The following ATAD5 variants were observed in gnomAD, a reference collection of about 807,000 sequenced individuals.
ATAD5 encodes the protein ATPase family AAA domain-containing protein 5.
In ATAD5, 58 loss-of-function variants were observed where a neutral mutation model predicts 176.9. The ratio of observed to expected loss-of-function variants is 0.33; its 90% CI spans 0.27 to 0.41. The LOEUF is 0.41. Among genes scored for constraint, ATAD5 ranks in the 10% least tolerant of loss-of-function variants. ATAD5 has a pLI of 1.00. For synonymous variants in ATAD5, 640 were observed against 712.6 expected, an observed-to-expected ratio of 0.90 and a Z score of 1.62; for missense variants, 1,789 against 2,094.1, an observed-to-expected ratio of 0.85 and a Z score of 2.84.
At chr17:30,838,495 G>A (rs1479160757) in intron 3 of ATAD5, among the ~76,000 whole-genome samples, 1 of 152,146 alleles carries the variant, frequency 6.6e-6, no homozygotes, top group Admixed American at 6.6e-5. Context: ...ATAGGGTGAG[G>A]AAACGTGTTT....
Position 30,834,363 on chromosome 17 carries a change from C to G in ATAD5, c.282C>G (p.Ser94Arg). Residue 94 changes from serine to arginine, a missense_variant, in exon 2 of 23, where the codon AGC (serine) becomes AGG (arginine). By Grantham distance (110) the Ser-to-Arg change is moderately radical. Coordinates refer to ENST00000321990, the MANE Select transcript of ATAD5 (RefSeq NM_024857.5). ...CACCTGAATCAGTACCTGTTGACAG[C>G]AACAAAGACTGTACGACACCTTTGG... ...IKSPESVPVD[S>R]NKDCTTPLEM... 1 of 1,608,438 alleles carries G rather than the reference C, an allele frequency of 6.2e-7. No individual in the cohort carries two copies. The highest frequency in any genetic ancestry group is 8.5e-7 in the Non-Finnish European group (1 of 1,178,098).
chr17:30,875,037 T>C (rs1461501940), intron 14 of ATAD5, among the ~76,000 whole-genome samples: 1 of 152,088 alleles, frequency 6.6e-6, no homozygotes, highest in African/African-American at 2.4e-5. Flanking sequence ...CCTCGAGATT[T>C]TCAGTAAGCT....
At position 30,868,417 on chromosome 17, in the gene ATAD5, T is replaced by C; in HGVS notation, c.3313+5T>C. 1 of 1,530,754 alleles carries C rather than the reference T, an allele frequency of 6.5e-7. No homozygotes were observed. Among genetic ancestry groups the C allele is most frequent in the Non-Finnish European group, 8.7e-7 (1 of 1,146,052 alleles). The allele number at this position is 1,530,754 out of a possible 1,614,324, so 94.8% of individuals were successfully genotyped here. ...AAAGAGATGAGAAACATGAAGGTAT[T>C]TTGTGTGTCTTTTTTTTTTTTTTTA... On this transcript the variant is annotated splice_donor_5th_base_variant and intron_variant, in intron 12 of 22. Transcript: ENST00000321990.
chr17:30,863,294 C>A (rs532263673), intron 10 of ATAD5, among the ~76,000 whole-genome samples: 11 of 152,236 alleles, frequency 7.2e-5, no homozygotes, highest in African/African-American at 2.4e-4. Flanking sequence ...CTCCTGAGTT[C>A]AAGCGATTCT....
chr17:30,881,090 C>A (rs1176172635), intron 18 of ATAD5, among the ~76,000 whole-genome samples: 1 of 129,516 alleles, frequency 7.7e-6, no homozygotes. Flanking sequence ...TTTCCTTTTT[C>A]TTTTTTTTCA....
At position 30,861,438 on chromosome 17, in the gene ATAD5, C is replaced by T. The variant is rs143183865; in HGVS notation, c.3136+826C>T. Among the ~76,000 whole-genome samples, 1,234 of 151,862 alleles carry T rather than the reference C, an allele frequency of 8.1e-3. 17 individuals carry two copies. Among genetic ancestry groups the T allele is most frequent in the African/African-American group, 0.028 (1,157 of 41,404 alleles). On this transcript the variant is annotated intron_variant, in intron 10 of 22. Transcript: ENST00000321990. Reference sequence around the variant, plus strand: ...TGTGTTTGAAATAAATAGAACCTCACGGATTATGGGCTTACAAATGACCAT... The same window carrying T: ...TGTGTTTGAAATAAATAGAACCTCATGGATTATGGGCTTACAAATGACCAT...
chr17:30,843,953 A>G lies in ATAD5; in HGVS notation c.2282A>G (p.Lys761Arg), dbSNP rs1477754116. 3 of 1,513,286 alleles carry G rather than the reference A, an allele frequency of 2.0e-6. No individual in the cohort carries two copies. In the East Asian group the frequency reaches 7.0e-5, roughly 35 times the overall value. The allele number at this position is 1,513,286 out of a possible 1,614,324, so 93.7% of individuals were successfully genotyped here. A position where few individuals can be genotyped will look rare whatever the true frequency, so the allele number is the denominator to read the frequency against. ...ATAGATTCAAGTCCTACTGCTTTAA[A>G]GCATCCAGAGAAAAATCAGAAGAAA... Reference protein sequence around the residue: ...IIIDSSPTALKHPEKNQKKLQ... With the variant: ...IIIDSSPTALRHPEKNQKKLQ... Residue 761 changes from lysine (K) to arginine (R), a missense_variant, in exon 5 of 23, where the codon AAG (lysine) becomes AGG (arginine). Lys to Arg is a conservative substitution (Grantham distance 26, BLOSUM62 2). Around this residue, in one of 6 missense-constraint regions of ATAD5, gnomAD observed 487 missense variants for 573.6 expected, o/e 0.85. Coordinates refer to ENST00000321990, the MANE Select transcript of ATAD5 (RefSeq NM_024857.5).
chr17:30,876,412 A>G lies in ATAD5; in HGVS notation c.3646A>G (p.Arg1216Gly). The G allele has an allele frequency of 6.2e-7, 1 of 1,601,824 alleles. No individual in the cohort carries two copies. Among genetic ancestry groups the G allele is most frequent in the Non-Finnish European group, 8.5e-7 (1 of 1,175,846 alleles). ...SSPKKVVTSP[R>G]KVPPPSPKSS... ...CCCTAAGAAAGTTGTTACATCACCA[A>G]GAAAAGTTCCTCCACCATCACCAAA... is the stretch of plus-strand genomic sequence containing the variant. Residue 1216 changes from arginine (R) to glycine (G), a missense_variant, in exon 15 of 23, where the codon AGA becomes GGA. Coordinates refer to ENST00000321990, the MANE Select transcript of ATAD5 (RefSeq NM_024857.5).
intron 7 of ATAD5, among the ~76,000 whole-genome samples, chr17:30,855,875 A>C (rs1329848051): frequency 6.6e-6 from 1 of 151,814 alleles, no homozygotes; most frequent in Admixed American, 6.6e-5. Flanking sequence ...AGAAAAAAAA[A>C]AAAAAGTTTA....
At chr17:30,888,302 A>T (rs992750340) in intron 19 of ATAD5, among the ~76,000 whole-genome samples, 2 of 152,146 alleles carry the variant, frequency 1.3e-5, no homozygotes, top group East Asian at 3.8e-4. Flanking sequence ...CTGTAATCTC[A>T]GCACTTTGGG....
chr17:30,839,533 C>T (rs1905959643), intron 3 of ATAD5, among the ~76,000 whole-genome samples: 1 of 151,178 alleles, frequency 6.6e-6, no homozygotes. Flanking sequence ...CCTCGGCCTC[C>T]CAAAGTGCTG....
chr17:30,869,980 G>T, intron 14 of ATAD5: 1 of 209,934 alleles, frequency 4.8e-6, no homozygotes, highest in Non-Finnish European at 9.4e-6. Context: ...TAGGTGTGGT[G>T]GTGTATGCCT....
At position 30,850,833 on chromosome 17, in the gene ATAD5, TTATATATATATATATATA is replaced by T. The variant is rs1312470807; in HGVS notation, c.2451-4290_2451-4273del. Among the ~76,000 whole-genome samples the T allele has an allele frequency of 4.7e-4, 13 of 27,840 alleles. No homozygotes were observed. The South Asian group carries it at 7.9e-3, about 17-fold the overall frequency. 18.3% of individuals were successfully genotyped at this position (27,840 alleles called of 152,430 possible). On this transcript the variant is annotated intron_variant, in intron 6 of 22. Coordinates refer to ENST00000321990, the MANE Select transcript of ATAD5 (RefSeq NM_024857.5). ...AATTATTATTTATATTTATATATTT[TTATATATATATATATATA>T]TATATATATATATATATATTTTTTT... is the stretch of plus-strand genomic sequence containing the variant.
At chr17:30,848,936 T>C (rs946464658) in intron 6 of ATAD5, among the ~76,000 whole-genome samples, 2 of 152,164 alleles carry the variant, frequency 1.3e-5, no homozygotes, top group African/African-American at 4.8e-5. Context: ...AGTGGCATGA[T>C]CTTGGCTCAC....
chr17:30,879,399 T>G (rs756661176), intron 17 of ATAD5, 24 bp from the exon 18 acceptor site: 164 of 1,594,946 alleles, frequency 1.0e-4, no homozygotes, highest in Middle Eastern at 3.3e-4. Context: ...AATTTTTTTT[T>G]TTTGTGTGTG....
chr17:30,864,937 T>G (rs923107059), intron 10 of ATAD5: 11 of 151,164 alleles, frequency 7.3e-5, no homozygotes, highest in African/African-American at 2.7e-4. Flanking sequence ...TTTTTTTTTT[T>G]TGAGATGGAC....
chr17:30,846,296 C>T lies in ATAD5; in HGVS notation c.2450+1380C>T, dbSNP rs1055685186. 3.3e-5 allele frequency among the ~76,000 whole-genome samples: 5 copies of T among 152,052 alleles called. No homozygotes were observed. In the South Asian group the frequency reaches 6.2e-4, roughly 19 times the overall value. The stretch of plus-strand genomic sequence containing the variant: ...TCTGGCTGCTTTTGCATAGTATACA[C>T]GCCCACAAACAAATGCACACATACA... On this transcript the variant is annotated intron_variant, in intron 6 of 22. Transcript: ENST00000321990.
intron 6 of ATAD5, among the ~76,000 whole-genome samples, chr17:30,851,826 C>T (rs1162054451): frequency 6.6e-6 from 1 of 152,194 alleles, no homozygotes; most frequent in Non-Finnish European, 1.5e-5. Context: ...AAGTTATCTG[C>T]TCGCCTCAGC....
chr17:30,881,114 A>G (rs1290789681), intron 18 of ATAD5, among the ~76,000 whole-genome samples: 2 of 151,858 alleles, frequency 1.3e-5, no homozygotes. Flanking sequence ...TTCTAAAAAA[A>G]AAAAGTTTTT....
Sources: allele counts gnomAD v4.1 joint callset (sites outside exome capture counted in the v4.1 genomes callset), GRCh38; gene constraint gnomAD v4.1.1; regional missense constraint gnomAD v4.1.1; transcripts MANE v1.5; gene names NCBI Gene and HGNC (gene_info 2026-07-23, HGNC 2026-07-21).